HCFC1: variants seen among roughly 807,000 people sequenced by gnomAD.
HCFC1 encodes the protein host cell factor C1, also known as host cell factor 1.
Under a neutral mutation model 105.5 loss-of-function variants are expected in HCFC1, and 7 were observed. The observed-to-expected ratio is 0.07, with a 90% CI of 0.04 to 0.12. The LOEUF (loss-of-function observed/expected upper bound fraction) is 0.12. Ranked by LOEUF, HCFC1 falls within the 10% of genes least tolerant of loss-of-function variation. The pLI is 1.00. For synonymous variants in HCFC1, 918 were observed against 828.1 expected (o/e 1.11, Z -1.86); for missense variants, 1,065 against 1,823.6 (o/e 0.58, Z 7.58).
chrX:153,959,628 A>G, intron 8 of HCFC1, 137 bp from the exon 9 acceptor site: 1 of 953,462 alleles, frequency 1.0e-6, no homozygotes, highest in Non-Finnish European at 1.4e-6. Flanking sequence ...GAGAGTGACC[A>G]TTTCCACAGG....
In HCFC1 at chrX:153,971,052, C is replaced by A; in HGVS notation, c.-212G>T. ...TCGCTCACCCCGTCTCCGCAAGAGC[C>A]GCCCGAAACTGTCGAGCGCCTAGGC... On this transcript the variant is annotated 5_prime_UTR_variant, in exon 1 of 26. Transcript: ENST00000310441. The A allele has an allele frequency of 2.6e-6, 1 of 378,077 alleles. No homozygotes were observed. Among genetic ancestry groups the A allele is most frequent in the South Asian group, 5.5e-5 (1 of 18,204 alleles). 31.2% of individuals were successfully genotyped at this position (378,077 alleles called of 1,213,427 possible).
chrX:153,954,044 C>T (rs781926848), intron 17 of HCFC1, 22 bp downstream of exon 17: 1 of 1,177,148 alleles, frequency 8.5e-7, no homozygotes, highest in South Asian at 1.9e-5. Context: ...CCATGAAAGC[C>T]AGGCTGGCCA....
chrX:153,954,300 T>C lies in HCFC1; in HGVS notation c.4099A>G (p.Thr1367Ala), dbSNP rs782039744. The change falls in exon 17 of 26, where the codon ACC (threonine) becomes GCC (alanine). Residue 1367 changes from threonine to alanine, a missense_variant. Coordinates refer to ENST00000310441, the MANE Select transcript of HCFC1 (RefSeq NM_005334.3). Reference sequence around the variant, plus strand: ...GCACCCACGCTGACCGACATGGTGGTGCCAGTGGAAGTGGTCTGGTGTGTC... The same window carrying C: ...GCACCCACGCTGACCGACATGGTGGCGCCAGTGGAAGTGGTCTGGTGTGTC... ...CETHQTTSTG[T>A]TMSVSVGALL... 8.3e-7 allele frequency: 1 copy of C among 1,198,835 alleles called. No homozygotes were observed.
In HCFC1 at chrX:153,953,674, G is replaced by A; in HGVS notation, c.4430C>T (p.Ser1477Phe). The A allele has an allele frequency of 8.3e-7, 1 of 1,211,119 alleles. No homozygotes were observed. The highest frequency in any genetic ancestry group is 1.1e-6 in the Non-Finnish European group (1 of 895,118). Residue 1477 changes from serine (S) to phenylalanine (F), a missense_variant, in exon 18 of 26, where the codon TCC (serine) becomes TTC (phenylalanine). Ser to Phe is a radical substitution (Grantham distance 155). Coordinates refer to ENST00000310441, the MANE Select transcript of HCFC1 (RefSeq NM_005334.3). ...TSSSAITTTV[S>F]STLTRAVTTV... ...GGTCACAGCCCGCGTCAGTGTGGAG[G>A]ACACGGTTGTCGTGATGGCACTGGA...
At chrX:153,958,962 C>T (rs1039170960) in intron 9 of HCFC1, among the ~76,000 whole-genome samples, 196 bp from the exon 10 acceptor site, 4 of 112,823 alleles carry the variant, frequency 3.5e-5, no homozygotes, top group African/African-American at 1.3e-4. Flanking sequence ...CCACCATGCA[C>T]GGCAACCCCC....
chrX:153,953,925 G>T, intron 17 of HCFC1, 141 bp downstream of exon 17: 1 of 887,017 alleles, frequency 1.1e-6, no homozygotes, highest in Non-Finnish European at 1.6e-6. Flanking sequence ...CAGCCAGGAC[G>T]CCCCAGCTCT....
chrX:153,967,916 G>A (rs2065487818), intron 1 of HCFC1, among the ~76,000 whole-genome samples: 1 of 111,354 alleles, frequency 9.0e-6, no homozygotes, highest in African/African-American at 3.3e-5. Flanking sequence ...GAGAATGGAG[G>A]CATTTCAAAG....
In HCFC1 at chrX:153,950,560, C is replaced by T; in HGVS notation, c.5704-17G>A. On this transcript the variant is annotated splice_polypyrimidine_tract_variant and intron_variant, in intron 23 of 25. Transcript: ENST00000310441. ...ATCCGGACTCTAGAAGCCAGGGGGT[C>T]AGAAGGTCAACAGAACAGGCTAGAG... is the stretch of plus-strand genomic sequence containing the variant. 1 of 1,145,609 alleles carries T rather than the reference C, an allele frequency of 8.7e-7. No individual in the cohort carries two copies. Among genetic ancestry groups the T allele is most frequent in the Non-Finnish European group, 1.2e-6 (1 of 861,328 alleles). The allele number at this position is 1,145,609 out of a possible 1,213,427, so 94.4% of individuals were successfully genotyped here.
At position 153,949,287 on chromosome X, in the gene HCFC1, G is replaced by C. The variant is rs369085959; in HGVS notation, c.*60C>G. On this transcript the variant is annotated 3_prime_UTR_variant, in exon 26 of 26. Transcript: ENST00000310441. ...GGACGGGGTGGGAGGGGTGGGCCCT[G>C]GCGGGTGTTCCTGAAGCAGGGGGGT... The C allele has an allele frequency of 4.8e-6, 5 of 1,041,873 alleles. No individual in the cohort carries two copies. The African/African-American group carries it at 9.4e-5, about 20-fold the overall frequency. 85.9% of individuals were successfully genotyped at this position (1,041,873 alleles called of 1,213,427 possible).
rs1423122895 is a variant in HCFC1 at position 153,961,132 on chromosome X, A to G, written c.904+410T>C. Among the ~76,000 whole-genome samples the G allele has an allele frequency of 2.7e-5, 3 of 112,659 alleles. No individual in the cohort carries two copies. In the East Asian group the frequency reaches 8.4e-4, roughly 31 times the overall value. On this transcript the variant is annotated intron_variant, in intron 6 of 25. Transcript: ENST00000310441. ...TGGAGTGATCTCCAAGATACGGCGGATGAGAAAGGCCAGGTGTGGCACTGC... is the reference window on the plus strand; with the variant it reads ...TGGAGTGATCTCCAAGATACGGCGGGTGAGAAAGGCCAGGTGTGGCACTGC...
At chrX:153,951,511 G>A (rs782320130) in intron 21 of HCFC1, 24 bp from the exon 22 acceptor site, 27 of 1,208,944 alleles carry the variant, frequency 2.2e-5, no homozygotes, top group Admixed American at 2.0e-4. Context: ...TCGGTGCGAC[G>A]AGATCAGGCC....
rs2065284041 is a variant in HCFC1, at chrX:153,949,073, GTC to G, written c.*272_*273del. 3.8e-5 allele frequency: 10 copies of G among 264,380 alleles called. No individual in the cohort carries two copies. The South Asian group carries it at 8.3e-4, about 22-fold the overall frequency. 21.8% of individuals were successfully genotyped at this position (264,380 alleles called of 1,213,427 possible). On this transcript the variant is annotated 3_prime_UTR_variant, in exon 26 of 26. Transcript: ENST00000310441. ...AGCTCCGCCTTCCCTCCCCGCAAAA[GTC>G]TCTCCCCAGGGTGGGCGGCAGCGGG...
In HCFC1 at chrX:153,952,147, G is replaced by A. The variant is rs868991529; in HGVS notation, c.4954C>T (p.Pro1652Ser). 1 of 1,113,749 alleles carries A rather than the reference G, an allele frequency of 9.0e-7. No individual in the cohort carries two copies. The highest frequency in any genetic ancestry group is 1.2e-6 in the Non-Finnish European group (1 of 850,921). 91.8% of individuals were successfully genotyped at this position (1,113,749 alleles called of 1,213,427 possible). ...GCTGCTGCCTCGGAGGTGTCCATGGGCTCGCCGGTGCCTGCTCCAGGGTCG... is the reference window on the plus strand; with the variant it reads ...GCTGCTGCCTCGGAGGTGTCCATGGACTCGCCGGTGCCTGCTCCAGGGTCG... Reference protein sequence around the residue: ...AQQAVMGTGEPMDTSEAAATV... With the variant: ...AQQAVMGTGESMDTSEAAATV... Residue 1652 changes from proline to serine, a missense_variant, in exon 20 of 26, where the codon CCC (proline) becomes TCC (serine). Physicochemically the swap from Pro to Ser is moderately conservative, Grantham distance 74. Around this residue, in one of 17 missense-constraint regions of HCFC1, gnomAD observed 115 missense variants for 143.7 expected, o/e 0.80. Coordinates refer to ENST00000310441, the MANE Select transcript of HCFC1 (RefSeq NM_005334.3).
Position 153,956,978 on chromosome X carries a change from C to T in HCFC1, c.2436G>A (p.Ala812=), listed in dbSNP as rs1459988694. The change falls in exon 14 of 26, where the codon GCG becomes GCA. Residue 812 remains alanine, a synonymous_variant. Coordinates refer to ENST00000310441, the MANE Select transcript of HCFC1 (RefSeq NM_005334.3). ...TTTTGGGGACAGCAGTGATGATTTT[C>T]GCAGGTGCTCCAGTTCCTGAAGTCA... ...KVMTSGTGAP[A]KIITAVPKIA... is the part of the protein sequence containing the mutation. 181 of 1,208,875 alleles carry T rather than the reference C, an allele frequency of 1.5e-4. 1 individual carries two copies. The highest frequency in any genetic ancestry group is 2.0e-4 in the Non-Finnish European group (177 of 894,877).
rs782151196 is a variant in HCFC1 at position 153,952,820 on chromosome X, C to T, written c.4636G>A (p.Ala1546Thr). The T allele has an allele frequency of 1.0e-4, 123 of 1,195,503 alleles. No homozygotes were observed. The South Asian group carries it at 2.1e-3, about 21-fold the overall frequency. ...TCCCCTGTGCTGCTCAGATCCACGGCGGCCGGGAGCTCAGGGGTCTGGGAG... is the reference window on the plus strand; with the variant it reads ...TCCCCTGTGCTGCTCAGATCCACGGTGGCCGGGAGCTCAGGGGTCTGGGAG... ...SASQTPELPA[A>T]VDLSSTGEPS... Residue 1546 changes from alanine (A) to threonine (T), a missense_variant, in exon 19 of 26, where the codon GCC (alanine) becomes ACC (threonine). Around this residue, in one of 17 missense-constraint regions of HCFC1, gnomAD observed 546 missense variants for 599.9 expected, o/e 0.91. Coordinates refer to ENST00000310441, the MANE Select transcript of HCFC1 (RefSeq NM_005334.3).
chrX:153,970,255 G>A (rs1557119633), intron 1 of HCFC1, among the ~76,000 whole-genome samples: 4 of 109,275 alleles, frequency 3.7e-5, no homozygotes, highest in African/African-American at 1.3e-4. Context: ...GTGTGGGTCT[G>A]AAGTCACCAC....
At chrX:153,964,842 G>A (rs894723160) in intron 1 of HCFC1, 116 bp from the exon 2 acceptor site, 17 of 769,421 alleles carry the variant, frequency 2.2e-5, no homozygotes, top group Admixed American at 1.5e-4. Flanking sequence ...CCATCCCTGC[G>A]GGCGCTCTAG....
chrX:153,951,461 G>A lies in HCFC1; in HGVS notation c.5406C>T (p.Ser1802=). 1 of 1,211,394 alleles carries A rather than the reference G, an allele frequency of 8.3e-7. No individual in the cohort carries two copies. The highest frequency in any genetic ancestry group is 1.1e-6 in the Non-Finnish European group (1 of 895,303). Residue 1802 remains serine (S), a synonymous_variant, in exon 22 of 26, where the codon AGC becomes AGT. Coordinates refer to ENST00000310441, the MANE Select transcript of HCFC1 (RefSeq NM_005334.3). ...GVKPDLPPPP[S]KAPMKKENQW... is the part of the protein sequence containing the mutation. The stretch of plus-strand genomic sequence containing the variant: ...GGTTTTCCTTCTTCATGGGGGCTTT[G>A]CTGGGTGGGGGCGGCAGGTCTGGCT...
At position 153,957,450 on chromosome X, in the gene HCFC1, C is replaced by T. The variant is rs782061513; in HGVS notation, c.2217G>A (p.Thr739=). 61 of 1,208,882 alleles carry T rather than the reference C, an allele frequency of 5.0e-5. No homozygotes were observed. Among genetic ancestry groups the T allele is most frequent in the Non-Finnish European group, 6.8e-5 (61 of 894,253 alleles). The part of the protein sequence containing the change: ...DGKPTTIITT[T]QASGAGTKPT... ...GCTTGGTCCCCGCCCCACTGGCCTGCGTGGTAGTGATGATGGTGGTGGGCT... is the reference window on the plus strand; with the variant it reads ...GCTTGGTCCCCGCCCCACTGGCCTGTGTGGTAGTGATGATGGTGGTGGGCT... Residue 739 remains threonine (T), a synonymous_variant, in exon 13 of 26, where the codon ACG becomes ACA. Transcript: ENST00000310441.
Sources: allele counts gnomAD v4.1 joint callset (sites outside exome capture counted in the v4.1 genomes callset), GRCh38; gene constraint gnomAD v4.1.1; regional missense constraint gnomAD v4.1.1; transcripts MANE v1.5; gene names NCBI Gene and HGNC (gene_info 2026-07-23, HGNC 2026-07-21).